The following LATS1 variants were observed in gnomAD, a reference collection of about 807,000 sequenced individuals.
The protein encoded by LATS1 is large tumor suppressor kinase 1, also known as serine/threonine-protein kinase LATS1.
In LATS1, 25 loss-of-function variants were observed where a neutral mutation model predicts 106.6. The ratio of observed to expected loss-of-function variants is 0.23; its 90% CI spans 0.17 to 0.33. The LOEUF (loss-of-function observed/expected upper bound fraction) is 0.33, where lower values mean the gene tolerates loss of function less well. Ranked by LOEUF, LATS1 falls within the 10% of genes least tolerant of loss-of-function variation. The pLI, the probability that LATS1 is intolerant of heterozygous loss-of-function variation, is 1.00. For missense variants in LATS1, 1,040 were observed against 1,382.6 expected, an observed-to-expected ratio of 0.75 and a Z score of 3.93; for synonymous variants, 465 against 455.6, an observed-to-expected ratio of 1.02 and a Z score of -0.26.
intron 7 of LATS1, among the ~76,000 whole-genome samples, chr6:149,675,211 G>C (rs1781652308): frequency 1.7e-5 from 2 of 114,762 alleles, no homozygotes; most frequent in Admixed American, 2.1e-4. Flanking sequence ...GCAAGACTCT[G>C]TATCAAAAAA....
chr6:149,692,703 T>TCC lies in LATS1; in HGVS notation c.496+2370_496+2371insGG, dbSNP rs1216120480. On this transcript the variant is annotated intron_variant, in intron 3 of 7. Transcript: ENST00000543571. ...TTTTTTTTTTTTTTGAGAGGGAGTT[T>TCC]CGATCTTGTTGCCCAGGCTGGAGTG... Among the ~76,000 whole-genome samples, 83 of 151,622 alleles carry TCC rather than the reference T, an allele frequency of 5.5e-4. 1 individual carries two copies. Among genetic ancestry groups the TCC allele is most frequent in the South Asian group, 2.7e-3 (13 of 4,802 alleles).
chr6:149,689,812 T>G (rs372315270), intron 3 of LATS1, among the ~76,000 whole-genome samples: 1 of 152,204 alleles, frequency 6.6e-6, no homozygotes, highest in African/African-American at 2.4e-5. Flanking sequence ...TGACTGTTCC[T>G]CTATCTAAGG....
chr6:149,680,471 C>A lies in LATS1; in HGVS notation c.2011-14G>T. ...AGATAATCCAACCTAGGCAAATAAA[C>A]TAGATGTTAAATAAGAATTATCTTC... On this transcript the variant is annotated splice_polypyrimidine_tract_variant and intron_variant, in intron 4 of 7. Coordinates refer to ENST00000543571, the MANE Select transcript of LATS1 (RefSeq NM_004690.4). The A allele has an allele frequency of 6.6e-7, 1 of 1,519,200 alleles. No individual in the cohort carries two copies. Among genetic ancestry groups the A allele is most frequent in the Non-Finnish European group, 8.9e-7 (1 of 1,118,990 alleles). 94.1% of individuals were successfully genotyped at this position (1,519,200 alleles called of 1,614,324 possible).
At chr6:149,692,324 C>T (rs1426550425) in intron 3 of LATS1, among the ~76,000 whole-genome samples, 1 of 152,152 alleles carries the variant, frequency 6.6e-6, no homozygotes, top group Non-Finnish European at 1.5e-5. Context: ...CAAAGGGACA[C>T]TCACTAAACC....
chr6:149,677,966 G>A (rs1781809055), intron 5 of LATS1, among the ~76,000 whole-genome samples: 1 of 150,874 alleles, frequency 6.6e-6, no homozygotes, highest in Admixed American at 6.6e-5. Context: ...GTTGCAGTGG[G>A]CCGAGATCGC....
intron 7 of LATS1, among the ~76,000 whole-genome samples, chr6:149,673,124 T>G: frequency 6.8e-6 from 1 of 147,990 alleles, no homozygotes; most frequent in African/African-American, 2.5e-5. Context: ...TGAGATAGGA[T>G]CTTACTCTAT....
At chr6:149,698,461 G>T (rs918377786) in intron 2 of LATS1, among the ~76,000 whole-genome samples, 1 of 151,926 alleles carries the variant, frequency 6.6e-6, no homozygotes, top group Non-Finnish European at 1.5e-5. Flanking sequence ...GCCCAGGCTG[G>T]ACTTGAACTC....
intron 7 of LATS1, 98 bp downstream of exon 7, chr6:149,676,162 C>T (rs1343601511): frequency 1.2e-6 from 1 of 842,238 alleles, no homozygotes; most frequent in Non-Finnish European, 2.0e-6. Context: ...CAAGTTCATT[C>T]TTTAACTCCA....
intron 3 of LATS1, among the ~76,000 whole-genome samples, chr6:149,686,887 G>A (rs1035164022): frequency 3.3e-5 from 5 of 151,940 alleles, no homozygotes; most frequent in East Asian, 1.9e-4. Flanking sequence ...GCTTCTTGAC[G>A]TCCCCTCTTC....
At chr6:149,675,427 G>C (rs753302124) in intron 7 of LATS1, among the ~76,000 whole-genome samples, 1 of 152,150 alleles carries the variant, frequency 6.6e-6, no homozygotes, top group Admixed American at 6.5e-5. Context: ...TCTCATTTAA[G>C]TGCCAGAGGT....
rs1449285564 is a variant in LATS1 at position 149,702,115 on chromosome 6, ACTC to A, written c.9_11del (p.Arg3del). On this transcript the variant is annotated inframe_deletion, in exon 2 of 8. Coordinates refer to ENST00000543571, the MANE Select transcript of LATS1 (RefSeq NM_004690.4). ...TTTGTCTATATCCTTCTGGCTTTTC[ACTC>A]CTCTTCATGAAAACATCTATATATG... 1 of 1,602,994 alleles carries A rather than the reference ACTC, an allele frequency of 6.2e-7. No homozygotes were observed. Among genetic ancestry groups the A allele is most frequent in the Non-Finnish European group, 8.5e-7 (1 of 1,174,142 alleles).
intron 7 of LATS1, chr6:149,675,755 C>T (rs1408968852): frequency 1.3e-5 from 2 of 152,410 alleles, no homozygotes; most frequent in Non-Finnish European, 2.9e-5. Context: ...CGGGGTTTCG[C>T]CATGTTGGCC....
chr6:149,682,164 GA>G (rs1210546299), intron 4 of LATS1, among the ~76,000 whole-genome samples: 1 of 151,634 alleles, frequency 6.6e-6, no homozygotes, highest in Non-Finnish European at 1.5e-5. Context: ...GATCTATGTG[GA>G]ATGACAACAC....
chr6:149,701,616 A>G (rs1384558696), intron 2 of LATS1, among the ~76,000 whole-genome samples, 163 bp downstream of exon 2: 1 of 152,238 alleles, frequency 6.6e-6, no homozygotes, highest in East Asian at 1.9e-4. Flanking sequence ...TTTAATAGTA[A>G]TTAATGGAAT....
chr6:149,668,451 T>TC (rs1027099049), intron 7 of LATS1, among the ~76,000 whole-genome samples: 2 of 151,482 alleles, frequency 1.3e-5, no homozygotes, highest in African/African-American at 4.9e-5. Context: ...TGATTTTTTT[T>TC]TTTTTTAAGA....
At position 149,661,578 on chromosome 6, in the gene LATS1, G is replaced by T; in HGVS notation, c.*151C>A. ...GCTGGAATAAATTAACATTTTAAAA[G>T]GATTTCCCATAATTTAGGAAAATAA... On this transcript the variant is annotated 3_prime_UTR_variant, in exon 8 of 8. Transcript: ENST00000543571. 1 of 562,940 alleles carries T rather than the reference G, an allele frequency of 1.8e-6. No homozygotes were observed. The highest frequency in any genetic ancestry group is 2.9e-6 in the Non-Finnish European group (1 of 349,406). 34.9% of individuals were successfully genotyped at this position (562,940 alleles called of 1,614,324 possible).
chr6:149,706,587 C>A (rs1783786556), intron 1 of LATS1, among the ~76,000 whole-genome samples: 1 of 152,120 alleles, frequency 6.6e-6, no homozygotes, highest in South Asian at 2.1e-4. Context: ...AGGGATGCTG[C>A]AGATGTGATT....
At position 149,658,935 on chromosome 6, in the gene LATS1, A is replaced by G. The variant is rs1368407240; in HGVS notation, c.*2794T>C. ...TTAATAAGAAAATTATTTTAAAAGAAAACATATAGAACCAATGTTTTCACT... is the reference window on the plus strand; with the variant it reads ...TTAATAAGAAAATTATTTTAAAAGAGAACATATAGAACCAATGTTTTCACT... On this transcript the variant is annotated 3_prime_UTR_variant, in exon 8 of 8. Transcript: ENST00000543571. 1.3e-5 allele frequency: 2 copies of G among 152,220 alleles called. 1 individual carries two copies. Among genetic ancestry groups the G allele is most frequent in the Non-Finnish European group, 2.9e-5 (2 of 68,050 alleles). The allele number at this position is 152,220 out of a possible 1,614,324, so 9.4% of individuals were successfully genotyped here.
chr6:149,689,894 G>A (rs1782627231), intron 3 of LATS1, among the ~76,000 whole-genome samples: 1 of 151,766 alleles, frequency 6.6e-6, no homozygotes, highest in East Asian at 1.9e-4. Flanking sequence ...TGATCCTCAA[G>A]TATCTCTTGA....
Sources: allele counts gnomAD v4.1 joint callset (sites outside exome capture counted in the v4.1 genomes callset), GRCh38; gene constraint gnomAD v4.1.1; transcripts MANE v1.5; gene names NCBI Gene and HGNC (gene_info 2026-07-23, HGNC 2026-07-21).